STIMATE: variants seen among roughly 807,000 people sequenced by gnomAD.
STIMATE encodes the protein STIM activating enhancer.
In STIMATE, 15 loss-of-function variants were observed where a neutral mutation model predicts 36.7. The ratio of observed to expected loss-of-function variants is 0.41; its 90% CI spans 0.27 to 0.63. The LOEUF (loss-of-function observed/expected upper bound fraction) is 0.63. Ranked by LOEUF, STIMATE falls within the 20% of genes least tolerant of loss-of-function variation. The pLI is 0.32. For missense variants in STIMATE, 305 were observed against 397.3 expected (o/e 0.77, Z 1.98); for synonymous variants, 163 against 162.3 (o/e 1.00, Z -0.03).
At chr3:52,857,848 C>A (rs1288489038) in intron 1 of STIMATE, among the ~76,000 whole-genome samples, 1 of 151,906 alleles carries the variant, frequency 6.6e-6, no homozygotes, top group African/African-American at 2.4e-5. Flanking sequence ...CTGTTGAAGT[C>A]CAAACCCACA....
At chr3:52,895,995 C>G (rs188721785) in intron 1 of STIMATE, 1 of 1,271,894 alleles carries the variant, frequency 7.9e-7, no homozygotes, top group East Asian at 5.6e-5. Context: ...AGAGAAAAAG[C>G]AAGGCAAGTT....
At chr3:52,867,671 C>T (rs1033544269) in intron 1 of STIMATE, among the ~76,000 whole-genome samples, 2 of 152,240 alleles carry the variant, frequency 1.3e-5, no homozygotes, top group African/African-American at 4.8e-5. Flanking sequence ...GCTGAGGCAG[C>T]GGACTCTTCC....
chr3:52,859,751 A>G (rs1701183263), intron 1 of STIMATE, among the ~76,000 whole-genome samples: 1 of 151,898 alleles, frequency 6.6e-6, no homozygotes, highest in African/African-American at 2.4e-5. Flanking sequence ...CAAGGAATTC[A>G]CATTGCTTTT....
intron 1 of STIMATE, among the ~76,000 whole-genome samples, chr3:52,872,547 G>A (rs1323580237): frequency 2.6e-5 from 4 of 152,200 alleles, no homozygotes; most frequent in Non-Finnish European, 4.4e-5. Flanking sequence ...TTTCTTCCTC[G>A]TAAATAACTG....
At chr3:52,885,810 C>A (rs952581285) in intron 1 of STIMATE, among the ~76,000 whole-genome samples, 4 of 152,206 alleles carry the variant, frequency 2.6e-5, no homozygotes, top group African/African-American at 9.7e-5. Context: ...CTGGAAAGTG[C>A]CTCCAGCAGA....
intron 1 of STIMATE, among the ~76,000 whole-genome samples, chr3:52,867,014 G>C (rs1701324429): frequency 6.6e-6 from 1 of 152,168 alleles, no homozygotes; most frequent in Non-Finnish European, 1.5e-5. Flanking sequence ...GGGAAGCCGG[G>C]GTCTCCCGGC....
intron 7 of STIMATE, among the ~76,000 whole-genome samples, chr3:52,841,132 C>T (rs761253283): frequency 6.6e-6 from 1 of 152,236 alleles, no homozygotes; most frequent in Non-Finnish European, 1.5e-5. Flanking sequence ...ACTGAGTCGA[C>T]AGACCCCCTT....
At position 52,859,531 on chromosome 3, in the gene STIMATE, A is replaced by AAAAAAAATT. The variant is rs748928249; in HGVS notation, c.161-4088_161-4087insAATTTTTTT. Among the ~76,000 whole-genome samples, 124 of 18,848 alleles carry AAAAAAAATT rather than the reference A, an allele frequency of 6.6e-3. 3 individuals carry two copies. The highest frequency in any genetic ancestry group is 8.8e-3 in the African/African-American group (69 of 7,870). 12.4% of individuals were successfully genotyped at this position (18,848 alleles called of 152,430 possible). A position where few individuals can be genotyped will look rare whatever the true frequency, so the allele number is the denominator to read the frequency against. On this transcript the variant is annotated intron_variant, in intron 1 of 7. Coordinates refer to ENST00000355083, the MANE Select transcript of STIMATE (RefSeq NM_198563.5). The stretch of plus-strand genomic sequence containing the variant: ...AAAAAAAAAAAAAAAAAAAAAAAAA[A>AAAAAAAATT]TTTTTTTTTTTTTTTTTTTTTTGCT...
intron 2 of STIMATE, 145 bp downstream of exon 2, chr3:52,855,251 A>G: frequency 2.7e-6 from 3 of 1,099,086 alleles, no homozygotes; most frequent in Non-Finnish European, 2.5e-6. Context: ...AATGAATTTA[A>G]TTCAGGGATT....
At chr3:52,874,659 G>C (rs1032600172) in intron 1 of STIMATE, among the ~76,000 whole-genome samples, 7 of 152,118 alleles carry the variant, frequency 4.6e-5, no homozygotes, top group Admixed American at 2.6e-4. Flanking sequence ...TCAGGAGTTT[G>C]AGACCAGCCT....
intron 1 of STIMATE, among the ~76,000 whole-genome samples, chr3:52,865,901 G>C (rs1359549253): frequency 6.7e-6 from 1 of 148,458 alleles, no homozygotes; most frequent in Non-Finnish European, 1.5e-5. Context: ...TGTGTGTAGG[G>C]GCGGTGGGGG....
intron 1 of STIMATE, among the ~76,000 whole-genome samples, chr3:52,868,083 G>C (rs944210169): frequency 1.3e-5 from 2 of 152,180 alleles, no homozygotes; most frequent in Non-Finnish European, 2.9e-5. Context: ...AAGTGTTTCT[G>C]CACCTTCCCT....
At chr3:52,872,524 A>C (rs1333456236) in intron 1 of STIMATE, among the ~76,000 whole-genome samples, 1 of 152,262 alleles carries the variant, frequency 6.6e-6, no homozygotes, top group Non-Finnish European at 1.5e-5. Flanking sequence ...TCAGAGGCCA[A>C]CTACTCCAAA....
chr3:52,859,149 C>T (rs1205078683), intron 1 of STIMATE, among the ~76,000 whole-genome samples: 28 of 141,988 alleles, frequency 2.0e-4, no homozygotes, highest in African/African-American at 2.3e-4. Flanking sequence ...GCGACAAGAG[C>T]GAGACTCCAT....
At chr3:52,848,154 G>A (rs1700939384) in intron 4 of STIMATE, 1 of 152,570 alleles carries the variant, frequency 6.6e-6, no homozygotes. Flanking sequence ...AACAGAAATT[G>A]ATGGAAATAG....
At chr3:52,849,097 T>C (rs1700954906) in intron 4 of STIMATE, among the ~76,000 whole-genome samples, 1 of 152,132 alleles carries the variant, frequency 6.6e-6, no homozygotes, top group African/African-American at 2.4e-5. Flanking sequence ...AGAGTGGGGA[T>C]CCCGAATTCC....
At chr3:52,885,288 T>C (rs1390939113) in intron 1 of STIMATE, among the ~76,000 whole-genome samples, 1 of 152,230 alleles carries the variant, frequency 6.6e-6, no homozygotes, top group African/African-American at 2.4e-5. Flanking sequence ...CTAAGAATTC[T>C]TTACATATTC....
chr3:52,888,443 A>G (rs575568594), intron 1 of STIMATE, among the ~76,000 whole-genome samples: 3 of 152,322 alleles, frequency 2.0e-5, no homozygotes, highest in Non-Finnish European at 2.9e-5. Context: ...AAAACTCTGT[A>G]CCCAAATAGA....
intron 2 of STIMATE, 118 bp from the exon 3 acceptor site, chr3:52,852,816 T>A (rs1701031829): frequency 1.5e-6 from 2 of 1,294,156 alleles, no homozygotes; most frequent in African/African-American, 1.5e-5. Context: ...TCACTGGTTA[T>A]CTCTTCCTGG....
Sources: gnomAD v4.1 joint callset for allele counts (sites outside exome capture counted in the v4.1 genomes callset) on GRCh38, gnomAD v4.1.1 for gene constraint, MANE v1.5 for transcripts, NCBI Gene and HGNC (gene_info 2026-07-23, HGNC 2026-07-21) for gene names.